Variants in CFAP57 observed in about 807,000 individuals in gnomAD.
CFAP57 encodes cilia- and flagella-associated protein 57.
In CFAP57, 116 loss-of-function variants were observed where a neutral mutation model predicts 146.8. The observed-to-expected ratio is 0.79, with a 90% CI of 0.68 to 0.92. The LOEUF is 0.92. Ranked by LOEUF, CFAP57 falls within the 40% of genes least tolerant of loss-of-function variation. The pLI, the probability that CFAP57 is intolerant of heterozygous loss-of-function variation, is 0.00. For synonymous variants in CFAP57, 518 were observed against 552.8 expected (o/e 0.94, Z 0.88); for missense variants, 1,377 against 1,527.2 (o/e 0.90, Z 1.64).
At chr1:43,181,114 C>T (rs751432645) in intron 2 of CFAP57, among the ~76,000 whole-genome samples, 17 of 152,102 alleles carry the variant, frequency 1.1e-4, no homozygotes, top group Admixed American at 2.6e-4. Flanking sequence ...CTCTGTCTCC[C>T]GGGCTGGAGT....
Position 43,234,601 on chromosome 1 carries a change from G to A in CFAP57, c.3368G>A (p.Gly1123Asp), listed in dbSNP as rs1462875953. ...CTCAAGAAGAAGGTGGTCAAGGAGG[G>A]CGAGCTGCACCGCACAGACTACGTC... ...ATLKKKVVKE[G>D]ELHRTDYVRI... The change falls in exon 21 of 23, where the codon GGC becomes GAC. Residue 1123 changes from glycine (G) to aspartate (D), a missense_variant. Coordinates refer to ENST00000372492, the MANE Select transcript of CFAP57 (RefSeq NM_001378189.1). The A allele has an allele frequency of 7.1e-6, 11 of 1,550,436 alleles. No individual in the cohort carries two copies. The East Asian group carries it at 9.8e-5, about 14-fold the overall frequency.
intron 5 of CFAP57, 64 bp downstream of exon 5, chr1:43,185,420 A>G (rs1642989644): frequency 1.3e-6 from 2 of 1,492,450 alleles, no homozygotes; most frequent in South Asian, 2.3e-5. Context: ...CCCCAGCAGC[A>G]GTTCTCTGAG....
At chr1:43,251,032 G>T (rs1232800226) in intron 22 of CFAP57, among the ~76,000 whole-genome samples, 1 of 152,232 alleles carries the variant, frequency 6.6e-6, no homozygotes, top group African/African-American at 2.4e-5. Context: ...GGCAGGGCCA[G>T]AGAGAGACGG....
intron 7 of CFAP57, among the ~76,000 whole-genome samples, chr1:43,198,183 T>G (rs1417059235): frequency 6.6e-6 from 1 of 152,220 alleles, no homozygotes; most frequent in African/African-American, 2.4e-5. Flanking sequence ...TTTGTTCTTA[T>G]GTACAACTTC....
rs368898201 is a variant in CFAP57 at position 43,197,759 on chromosome 1, T to G, written c.1262+67T>G. 69 of 1,592,476 alleles carry G rather than the reference T, an allele frequency of 4.3e-5. No homozygotes were observed. The African/African-American group carries it at 7.5e-4, about 17-fold the overall frequency. On this transcript the variant is annotated intron_variant, in intron 7 of 22. Coordinates refer to ENST00000372492, the MANE Select transcript of CFAP57 (RefSeq NM_001378189.1). ...CAGTTGTGAATTTATGTGAATTATT[T>G]TAATTACAGTGTTCCAAACTTTAAT...
chr1:43,185,951 T>C (rs914435124), intron 5 of CFAP57, among the ~76,000 whole-genome samples: 20 of 151,404 alleles, frequency 1.3e-4, no homozygotes, highest in Non-Finnish European at 1.2e-4. Context: ...ATACAAAAAG[T>C]AGCCAGGTAT....
In CFAP57 at chr1:43,174,296, ATAT is replaced by A. The variant is rs563997490; in HGVS notation, c.157+1388_157+1390del. Among the ~76,000 whole-genome samples the A allele has an allele frequency of 4.1e-3, 621 of 152,316 alleles. 3 individuals are homozygous for A. Among genetic ancestry groups the A allele is most frequent in the African/African-American group, 0.014 (593 of 41,558 alleles). On this transcript the variant is annotated intron_variant, in intron 2 of 22. Coordinates refer to ENST00000372492, the MANE Select transcript of CFAP57 (RefSeq NM_001378189.1). The stretch of plus-strand genomic sequence containing the variant: ...TAAAGTCAAATTTATCAACCACATA[ATAT>A]TCTGTTGGAATAAGCTGTATTAAAT...
chr1:43,208,407 A>G (rs1416848685), intron 10 of CFAP57, among the ~76,000 whole-genome samples: 2 of 152,184 alleles, frequency 1.3e-5, no homozygotes, highest in Non-Finnish European at 2.9e-5. Context: ...ACCCAAATCA[A>G]TGATAGACTG....
chr1:43,206,717 C>A lies in CFAP57; in HGVS notation c.1543-3C>A. ...TCACTGGATATGTCTTCCTCTCCTGCAGATTCGCTCAATTGTGTGGAATGC... is the reference window on the plus strand; with the variant it reads ...TCACTGGATATGTCTTCCTCTCCTGAAGATTCGCTCAATTGTGTGGAATGC... On this transcript the variant is annotated splice_region_variant and splice_polypyrimidine_tract_variant and intron_variant, in intron 9 of 22. Coordinates refer to ENST00000372492, the MANE Select transcript of CFAP57 (RefSeq NM_001378189.1). The A allele has an allele frequency of 1.2e-6, 2 of 1,613,918 alleles. No homozygotes were observed. Among genetic ancestry groups the A allele is most frequent in the Non-Finnish European group, 1.7e-6 (2 of 1,179,978 alleles).
intron 18 of CFAP57, among the ~76,000 whole-genome samples, chr1:43,228,862 C>T (rs1557810685): frequency 6.7e-6 from 1 of 149,278 alleles, no homozygotes; most frequent in Non-Finnish European, 1.5e-5. Context: ...GCCTGTTCCT[C>T]ATAGATGGCA....
chr1:43,208,363 T>C (rs980758016), intron 10 of CFAP57, among the ~76,000 whole-genome samples: 1 of 152,196 alleles, frequency 6.6e-6, no homozygotes, highest in Admixed American at 6.5e-5. Context: ...ATGTTTATTG[T>C]GGCACTATTC....
chr1:43,214,202 A>C (rs1376923704), intron 11 of CFAP57, among the ~76,000 whole-genome samples: 1 of 151,962 alleles, frequency 6.6e-6, no homozygotes, highest in Non-Finnish European at 1.5e-5. Context: ...CCACTTTTTA[A>C]TGAGATTTTT....
At chr1:43,192,357 C>T (rs1434135000) in intron 6 of CFAP57, among the ~76,000 whole-genome samples, 2 of 152,176 alleles carry the variant, frequency 1.3e-5, no homozygotes, top group Non-Finnish European at 2.9e-5. Flanking sequence ...TGTGGTGGCT[C>T]ACGCCTGTAA....
Position 43,181,632 on chromosome 1 carries a change from AT to A in CFAP57, c.259del (p.Tyr87MetfsTer57). On this transcript the variant is annotated frameshift_variant, in exon 3 of 23. Transcript: ENST00000372492. LOFTEE classifies it high-confidence loss of function. ...TGTGCAAGAAAAACCTGCCATCACC[AT>A]TTATGAATTGTCATCCATCCCTTGC... ...ETVQEKPAITIYELSSIPCRK... is the reference protein window; with the variant it reads ...ETVQEKPAITXYELSSIPCRK... The A allele has an allele frequency of 1.2e-6, 2 of 1,614,214 alleles. No individual in the cohort carries two copies. The highest frequency in any genetic ancestry group is 1.7e-6 in the Non-Finnish European group (2 of 1,180,040).
chr1:43,193,875 T>C (rs4233491), intron 6 of CFAP57, among the ~76,000 whole-genome samples: 27,370 of 152,014 alleles, frequency 0.18, 3,570 homozygotes, highest in African/African-American at 0.35. Context: ...TTCTTTAATC[T>C]GGTACACATT....
Position 43,198,478 on chromosome 1 carries a change from CA to C in CFAP57, c.1263-2del. ...ACAATTCAGTAATTGATCTTTTTCACAGCACCCTGGAACTATTTAAGGAATA... is the reference window on the plus strand; with the variant it reads ...ACAATTCAGTAATTGATCTTTTTCACGCACCCTGGAACTATTTAAGGAATA... On this transcript the variant is annotated splice_acceptor_variant, in intron 7 of 22. Transcript: ENST00000372492. LOFTEE classifies it high-confidence loss of function. 6.2e-6 allele frequency: 10 copies of C among 1,613,806 alleles called. No individual in the cohort carries two copies. The highest frequency in any genetic ancestry group is 8.5e-6 in the Non-Finnish European group (10 of 1,179,970).
chr1:43,242,453 T>TTGGATGGATGGATGGA (rs56071451), intron 21 of CFAP57, among the ~76,000 whole-genome samples: 3 of 151,472 alleles, frequency 2.0e-5, no homozygotes, highest in Admixed American at 2.0e-4. Flanking sequence ...GAATGGTTGG[T>TTGGATGGATGGATGGA]TGGATGGATG....
At chr1:43,180,111 C>G (rs954836517) in intron 2 of CFAP57, among the ~76,000 whole-genome samples, 8 of 151,518 alleles carry the variant, frequency 5.3e-5, no homozygotes, top group Non-Finnish European at 8.8e-5. Context: ...GAGGCTGAGG[C>G]AGGAGAATCA....
intron 13 of CFAP57, among the ~76,000 whole-genome samples, chr1:43,220,531 C>T (rs1645002793): frequency 6.6e-6 from 1 of 152,202 alleles, no homozygotes; most frequent in African/African-American, 2.4e-5. Flanking sequence ...TTGAGACCAG[C>T]ATGGGCAACA....
Sources: allele counts gnomAD v4.1 joint callset (sites outside exome capture counted in the v4.1 genomes callset), GRCh38; gene constraint gnomAD v4.1.1; transcripts MANE v1.5; gene names NCBI Gene and HGNC (gene_info 2026-07-23, HGNC 2026-07-21).